ODF2: variants seen among roughly 807,000 people sequenced by gnomAD.
ODF2 encodes the protein outer dense fiber protein 2.
In ODF2, 47 loss-of-function variants were observed where a neutral mutation model predicts 110.2. That is an observed-to-expected ratio of 0.43 (90% CI 0.34 to 0.54). The LOEUF is 0.54. Ranked by LOEUF, ODF2 falls within the 20% of genes least tolerant of loss-of-function variation. The pLI is 0.03. For missense variants in ODF2, 812 were observed against 1,054.5 expected (o/e 0.77, Z 3.19); for synonymous variants, 352 against 397.7 (o/e 0.89, Z 1.37).
chr9:128,469,422 T>G (rs1839146024), intron 5 of ODF2, 69 bp downstream of exon 5: 5 of 1,533,478 alleles, frequency 3.3e-6, no homozygotes, highest in African/African-American at 2.7e-5. Flanking sequence ...GTGGATTTCC[T>G]GCCTGGTCCC....
rs1336693649 is a variant in ODF2, at chr9:128,497,440, AAAAAAAATATATATATATATAT to A, written c.2013-971_2013-950del. Reference sequence around the variant, plus strand: ...GTCTCTACTAAAAAAAAAAAAAAAAAAAAAAAATATATATATATATATATATATATATATATATATATATATG... The same window carrying A: ...GTCTCTACTAAAAAAAAAAAAAAAAAATATATATATATATATATATATATG... On this transcript the variant is annotated intron_variant, in intron 18 of 20. Transcript: ENST00000604420. The A allele has an allele frequency of 4.9e-3, 450 of 91,010 alleles. 12 individuals carry two copies. The highest frequency in any genetic ancestry group is 0.026 in the African/African-American group (403 of 15,326). 5.6% of individuals were successfully genotyped at this position (91,010 alleles called of 1,614,324 possible).
At chr9:128,488,518 T>G (rs1205828907) in intron 14 of ODF2, among the ~76,000 whole-genome samples, 3 of 152,142 alleles carry the variant, frequency 2.0e-5, no homozygotes, top group African/African-American at 7.2e-5. Context: ...CTTCCTTAGG[T>G]AGAGGAAATG....
At chr9:128,480,423 C>G (rs534151471) in intron 8 of ODF2, among the ~76,000 whole-genome samples, 14 of 152,288 alleles carry the variant, frequency 9.2e-5, no homozygotes, top group African/African-American at 3.4e-4. Flanking sequence ...CTTAAGATCT[C>G]CTAGCAGATT....
intron 8 of ODF2, among the ~76,000 whole-genome samples, chr9:128,477,529 A>G (rs1841544395): frequency 6.6e-6 from 1 of 152,088 alleles, no homozygotes; most frequent in Non-Finnish European, 1.5e-5. Context: ...GCTGAGTGAC[A>G]GAGTTAGACT....
intron 8 of ODF2, among the ~76,000 whole-genome samples, chr9:128,474,777 C>T (rs566248296): frequency 2.0e-5 from 3 of 152,018 alleles, no homozygotes; most frequent in East Asian, 1.9e-4. Context: ...GCTTGGCCAA[C>T]GTGGTGAAAC....
chr9:128,481,515 A>G, intron 8 of ODF2, 65 bp from the exon 9 acceptor site: 1 of 1,297,314 alleles, frequency 7.7e-7, no homozygotes, highest in East Asian at 2.3e-5. Flanking sequence ...TAAAGAATCA[A>G]TAAAATGTAG....
intron 16 of ODF2, among the ~76,000 whole-genome samples, chr9:128,493,112 C>T (rs1011458476): frequency 2.0e-5 from 3 of 151,670 alleles, no homozygotes; most frequent in Non-Finnish European, 2.9e-5. Context: ...TGGCTGGGCA[C>T]GGTCTCTCAC....
chr9:128,465,689 T>C lies in ODF2; in HGVS notation c.250-3494T>C, dbSNP rs527247489. Among the ~76,000 whole-genome samples the C allele has an allele frequency of 3.2e-4, 46 of 145,464 alleles. 1 individual carries two copies. The East Asian group carries it at 9.5e-3, about 30-fold the overall frequency. On this transcript the variant is annotated intron_variant, in intron 4 of 20. Transcript: ENST00000604420. ...CCTGGAGGCGGAGGTTGCAGTGAGC[T>C]GAGATTGCACCACTGCACTCCAGCC...
intron 18 of ODF2, among the ~76,000 whole-genome samples, chr9:128,496,465 G>A (rs1257764459): frequency 6.6e-6 from 1 of 152,158 alleles, no homozygotes; most frequent in African/African-American, 2.4e-5. Flanking sequence ...ATACTGTGGT[G>A]GGGGCACTTC....
chr9:128,484,816 G>A (rs367970106), exon 12 of ODF2: 24 of 1,613,848 alleles, frequency 1.5e-5, no homozygotes, highest in South Asian at 2.2e-5. Flanking sequence ...AAGGCCATCC[G>A]AGCCCAGAAG....
At position 128,467,220 on chromosome 9, in the gene ODF2, C is replaced by A. The variant is rs373228279; in HGVS notation, c.250-1963C>A. ...TAGCCTATTGCTCCTAGGCTACAGA[C>A]CTCTACAGCATGATGCCGTACAGAA... is the stretch of plus-strand genomic sequence containing the variant. On this transcript the variant is annotated intron_variant, in intron 4 of 20. Coordinates refer to ENST00000604420, the Ensembl canonical transcript of ODF2. Among the ~76,000 whole-genome samples, 15 of 150,548 alleles carry A rather than the reference C, an allele frequency of 1.0e-4. No individual in the cohort carries two copies. The East Asian group carries it at 2.9e-3, about 29-fold the overall frequency.
At chr9:128,471,535 C>A in intron 6 of ODF2, 67 bp downstream of exon 6, 3 of 1,535,906 alleles carry the variant, frequency 2.0e-6, no homozygotes, top group South Asian at 2.4e-5. Flanking sequence ...GAGCCCTGGG[C>A]AATAATGGAA....
chr9:128,474,435 G>A (rs1040334435), intron 8 of ODF2, among the ~76,000 whole-genome samples: 7 of 152,086 alleles, frequency 4.6e-5, no homozygotes, highest in African/African-American at 1.4e-4. Flanking sequence ...GGAGGTTGCG[G>A]TGAGCTGAGA....
Position 128,493,308 on chromosome 9 carries a change from C to T in ODF2, c.1752+503C>T, listed in dbSNP as rs539834200. 1.6e-4 allele frequency among the ~76,000 whole-genome samples: 25 copies of T among 152,182 alleles called. No individual in the cohort carries two copies. The South Asian group carries it at 5.2e-3, about 32-fold the overall frequency. ...GCTGAGGCAGGAGAATCGCTTGAAC[C>T]CAGGAGGTGGAGGTAGCAGTGAGCC... On this transcript the variant is annotated intron_variant, in intron 16 of 20. Coordinates refer to ENST00000604420, the Ensembl canonical transcript of ODF2.
At position 128,471,482 on chromosome 9, in the gene ODF2, T is replaced by G; in HGVS notation, c.581+14T>G. ...GGACTTCACCATGTAAGGTGGCTCC[T>G]GCTCTGTCCCCGCTGATCTATTCCT... On this transcript the variant is annotated intron_variant, in intron 6 of 20. Coordinates refer to ENST00000604420, the Ensembl canonical transcript of ODF2. 6.2e-7 allele frequency: 1 copy of G among 1,611,266 alleles called. No individual in the cohort carries two copies. Among genetic ancestry groups the G allele is most frequent in the South Asian group, 1.1e-5 (1 of 90,594 alleles).
upstream of ODF2, chr9:128,455,879 C>CA: frequency 8.6e-7 from 1 of 1,157,498 alleles, no homozygotes; most frequent in Non-Finnish European, 1.2e-6. Flanking sequence ...CGGGAGGATC[C>CA]AAGGCAGGGG....
chr9:128,491,020 T>A (rs528803844), intron 14 of ODF2, among the ~76,000 whole-genome samples: 46 of 152,148 alleles, frequency 3.0e-4, no homozygotes, highest in Non-Finnish European at 4.0e-4. Context: ...TTTTTTTTTT[T>A]AAATATATTT....
At chr9:128,498,913 A>G in intron 19 of ODF2, 88 bp from the exon 20 acceptor site, 1 of 1,554,630 alleles carries the variant, frequency 6.4e-7, no homozygotes, top group Non-Finnish European at 8.8e-7. Flanking sequence ...GCTGTCTGCA[A>G]GACCAGATAG....
intron 5 of ODF2, among the ~76,000 whole-genome samples, chr9:128,470,495 C>A (rs1261619109): frequency 6.6e-6 from 1 of 151,862 alleles, no homozygotes; most frequent in Non-Finnish European, 1.5e-5. Context: ...GCCAGGCACA[C>A]GCCTGTAATC....
Sources: allele counts gnomAD v4.1 joint callset (sites outside exome capture counted in the v4.1 genomes callset), GRCh38; gene constraint gnomAD v4.1.1; transcripts MANE v1.5; gene names NCBI Gene and HGNC (gene_info 2026-07-23, HGNC 2026-07-21).